The following AVL9 variants were observed in gnomAD, a reference collection of about 807,000 sequenced individuals.
The protein encoded by AVL9 is late secretory pathway protein AVL9 homolog.
AVL9 carries 49 observed loss-of-function variants against 79.2 expected under a neutral mutation model. The ratio of observed to expected loss-of-function variants is 0.62; its 90% CI spans 0.49 to 0.79. The LOEUF is 0.79. Among genes scored for constraint, AVL9 ranks in the 30% least tolerant of loss-of-function variants. The pLI is 0.00. For missense variants in AVL9, 682 were observed against 776.8 expected, an observed-to-expected ratio of 0.88 and a Z score of 1.45; for synonymous variants, 299 against 280.6, an observed-to-expected ratio of 1.07 and a Z score of -0.65.
Position 32,587,848 on chromosome 7 carries a change from G to A in AVL9, c.*3941G>A, listed in dbSNP as rs1791864290. 1 of 152,060 alleles carries A rather than the reference G, an allele frequency of 6.6e-6. No homozygotes were observed. The highest frequency in any genetic ancestry group is 1.5e-5 in the Non-Finnish European group (1 of 68,022). The allele number at this position is 152,060 out of a possible 1,614,324, so 9.4% of individuals were successfully genotyped here. ...AATTTCCGGCATTCCATAAATATTT[G>A]TCAAGGACAAAGAAAAGGAATGTGG... On this transcript the variant is annotated 3_prime_UTR_variant, in exon 16 of 16. Coordinates refer to ENST00000318709, the MANE Select transcript of AVL9 (RefSeq NM_015060.3).
chr7:32,558,326 T>G (rs535575065), intron 8 of AVL9, among the ~76,000 whole-genome samples: 7 of 151,360 alleles, frequency 4.6e-5, no homozygotes, highest in Admixed American at 2.0e-4. Flanking sequence ...CCCGGCTAAG[T>G]TTTTGTATTT....
At chr7:32,562,336 TAACA>T (rs1364174175) in intron 10 of AVL9, among the ~76,000 whole-genome samples, 2 of 152,234 alleles carry the variant, frequency 1.3e-5, no homozygotes, top group Non-Finnish European at 1.5e-5. Flanking sequence ...AAGTTATAAC[TAACA>T]AATACAAATA....
At chr7:32,566,689 T>C (rs1416339123) in intron 10 of AVL9, among the ~76,000 whole-genome samples, 1 of 150,382 alleles carries the variant, frequency 6.6e-6, no homozygotes, top group Non-Finnish European at 1.5e-5. Context: ...CCATCCTGGC[T>C]AACACGGTGA....
At position 32,580,225 on chromosome 7, in the gene AVL9, A is replaced by G; in HGVS notation, c.1695A>G (p.Pro565=). The change falls in exon 14 of 16, where the codon CCA becomes CCG. Residue 565 remains proline (P), a synonymous_variant. Coordinates refer to ENST00000318709, the MANE Select transcript of AVL9 (RefSeq NM_015060.3). ...PALAEINPNH[P]FQGQYSVSDM... ...ACTCAAACTTTTTTTACAGCCATCC[A>G]TTTCAAGGCCAATACTCAGTATCAG... is the stretch of plus-strand genomic sequence containing the variant. 1 of 1,611,334 alleles carries G rather than the reference A, an allele frequency of 6.2e-7. No individual in the cohort carries two copies. The highest frequency in any genetic ancestry group is 8.5e-7 in the Non-Finnish European group (1 of 1,178,938).
intron 15 of AVL9, 39 bp from the exon 16 acceptor site, chr7:32,583,753 T>C (rs764406298): frequency 7.6e-7 from 1 of 1,320,936 alleles, no homozygotes; most frequent in Admixed American, 1.9e-5. Context: ...TAACAAAAGT[T>C]AAGACATTTT....
chr7:32,515,300 A>T (rs12386615), intron 1 of AVL9, among the ~76,000 whole-genome samples: 22,742 of 152,222 alleles, frequency 0.15, 1,718 homozygotes, highest in East Asian at 0.18. Context: ...CTCTGAGTAT[A>T]GGTGGCCTCA....
At chr7:32,552,939 A>G (rs964445090) in intron 6 of AVL9, among the ~76,000 whole-genome samples, 3 of 152,092 alleles carry the variant, frequency 2.0e-5, no homozygotes, top group Admixed American at 1.3e-4. Flanking sequence ...TTTTTGTTTA[A>G]TTTATACTAT....
intron 10 of AVL9, among the ~76,000 whole-genome samples, chr7:32,562,393 A>T (rs1228985180): frequency 6.6e-6 from 1 of 152,234 alleles, no homozygotes; most frequent in African/African-American, 2.4e-5. Flanking sequence ...ACATACACTT[A>T]TTAACTGTAC....
At chr7:32,582,795 C>T (rs1791573348) in intron 15 of AVL9, among the ~76,000 whole-genome samples, 1 of 152,178 alleles carries the variant, frequency 6.6e-6, no homozygotes, top group Non-Finnish European at 1.5e-5. Flanking sequence ...CAGGATCCTC[C>T]TTCCTCAGCC....
At chr7:32,560,340 T>A (rs1371769510) in intron 10 of AVL9, among the ~76,000 whole-genome samples, 1 of 151,786 alleles carries the variant, frequency 6.6e-6, no homozygotes, top group Non-Finnish European at 1.5e-5. Flanking sequence ...TATTAAATAA[T>A]TTTTAATTTA....
intron 13 of AVL9, among the ~76,000 whole-genome samples, chr7:32,578,784 GT>G (rs1791217315): frequency 6.6e-6 from 1 of 152,182 alleles, no homozygotes; most frequent in South Asian, 2.1e-4. Flanking sequence ...TCCAGCCTGG[GT>G]AACAGTGAGA....
chr7:32,569,409 C>T (rs189417778), intron 10 of AVL9, among the ~76,000 whole-genome samples: 2 of 152,290 alleles, frequency 1.3e-5, no homozygotes, highest in East Asian at 1.9e-4. Flanking sequence ...TTAGCAATTC[C>T]ACTGTAATTT....
intron 2 of AVL9, among the ~76,000 whole-genome samples, chr7:32,544,344 A>G (rs1055590133): frequency 8.5e-5 from 13 of 152,098 alleles, no homozygotes; most frequent in South Asian, 2.1e-4. Context: ...TTGTCCCCCA[A>G]ATTTCTTGTA....
intron 10 of AVL9, among the ~76,000 whole-genome samples, chr7:32,564,860 G>A (rs1001445881): frequency 1.4e-4 from 22 of 152,144 alleles, no homozygotes; most frequent in Non-Finnish European, 2.2e-4. Context: ...GGAGAAGTAC[G>A]AAAATTAGAG....
At chr7:32,531,073 A>G (rs1788625792) in intron 1 of AVL9, among the ~76,000 whole-genome samples, 1 of 152,180 alleles carries the variant, frequency 6.6e-6, no homozygotes, top group African/African-American at 2.4e-5. Flanking sequence ...TTAAAGAAAA[A>G]AGACAAATGA....
intron 8 of AVL9, 51 bp from the exon 9 acceptor site, chr7:32,558,508 A>G: frequency 7.4e-7 from 1 of 1,344,954 alleles, no homozygotes; most frequent in Non-Finnish European, 1.0e-6. Flanking sequence ...TGTTATCATT[A>G]TGGACGGCTT....
intron 11 of AVL9, among the ~76,000 whole-genome samples, chr7:32,571,676 GA>G (rs1172931801): frequency 6.7e-5 from 3 of 44,726 alleles, no homozygotes; most frequent in Non-Finnish European, 1.3e-4. Context: ...CAAATTTGAA[GA>G]AGAAAAAGTA....
Position 32,495,727 on chromosome 7 carries a change from A to G in AVL9, c.18A>G (p.Arg6=). MEKAR[R]GGDGVPRGPV... ...GGCCGCCCATGGAGAAGGCCAGGAGAGGCGGGGATGGCGTCCCCCGGGGGC... is the reference window on the plus strand; with the variant it reads ...GGCCGCCCATGGAGAAGGCCAGGAGGGGCGGGGATGGCGTCCCCCGGGGGC... Residue 6 remains arginine (R), a synonymous_variant, in exon 1 of 16, where the codon AGA becomes AGG. Coordinates refer to ENST00000318709, the MANE Select transcript of AVL9 (RefSeq NM_015060.3). The G allele has an allele frequency of 7.9e-7, 1 of 1,260,700 alleles. No individual in the cohort carries two copies. The highest frequency in any genetic ancestry group is 3.3e-5 in the South Asian group (1 of 30,118). The allele number at this position is 1,260,700 out of a possible 1,614,324, so 78.1% of individuals were successfully genotyped here.
chr7:32,552,114 C>T (rs1435100759), intron 5 of AVL9, 115 bp from the exon 6 acceptor site: 12 of 642,536 alleles, frequency 1.9e-5, no homozygotes, highest in South Asian at 7.0e-5. Context: ...TTAAATTTAG[C>T]GCCTAGCAGA....
Sources: allele counts gnomAD v4.1 joint callset (sites outside exome capture counted in the v4.1 genomes callset), GRCh38; gene constraint gnomAD v4.1.1; transcripts MANE v1.5; gene names NCBI Gene and HGNC (gene_info 2026-07-23, HGNC 2026-07-21).